KMT2B: variants seen among roughly 807,000 people sequenced by gnomAD.
KMT2B encodes the protein histone-lysine N-methyltransferase 2B.
KMT2B carries 22 observed loss-of-function variants against 255.3 expected under a neutral mutation model. That is an observed-to-expected ratio of 0.09 (90% confidence interval 0.06 to 0.12). The LOEUF is 0.12. KMT2B is among the 10% of genes least tolerant of loss of function. The pLI, the probability that KMT2B is intolerant of heterozygous loss-of-function variation, is 1.00. For synonymous variants in KMT2B, 1,730 were observed against 1,498.1 expected, an observed-to-expected ratio of 1.15 and a Z score of -3.57; for missense variants, 3,149 against 3,737.0, an observed-to-expected ratio of 0.84 and a Z score of 4.10.
Position 35,737,992 on chromosome 19 carries a change from A to G in KMT2B, c.7742+50A>G, listed in dbSNP as rs1568385888. 6.2e-7 allele frequency: 1 copy of G among 1,610,796 alleles called. No individual in the cohort carries two copies. Among genetic ancestry groups the G allele is most frequent in the East Asian group, 2.2e-5 (1 of 44,828 alleles). On this transcript the variant is annotated intron_variant, in intron 35 of 36. Coordinates refer to ENST00000420124, the MANE Select transcript of KMT2B (RefSeq NM_014727.3). This position sits in a 1 kb window ranked among gnomAD's most constrained non-coding sequence, Gnocchi z 5.3. ...GCCCCTTGGGTGGACGGACAGGTGC[A>G]CTGGGTAGGGGGTACTGTCTGGTTT...
chr19:35,730,300 C>G, intron 23 of KMT2B, 42 bp from the exon 24 acceptor site: 4 of 1,607,234 alleles, frequency 2.5e-6, no homozygotes, highest in Non-Finnish European at 3.4e-6. Flanking sequence ...ATCCACCTCC[C>G]CCACCAATGC....
rs201431533 is a variant in KMT2B at position 35,721,396 on chromosome 19, T to G, written c.2049T>G (p.Pro683=). Residue 683 remains proline (P), a synonymous_variant, in exon 3 of 37, where the codon CCT becomes CCG. Transcript: ENST00000420124. ...AAGCCCCTGAGCCAGAGCCTCCTCCTGCCGATGACTCTCCAGCTGAGCCTG... is the reference window on the plus strand; with the variant it reads ...AAGCCCCTGAGCCAGAGCCTCCTCCGGCCGATGACTCTCCAGCTGAGCCTG... ...APEAPEPEPP[P]ADDSPAEPEP... 1 of 1,609,254 alleles carries G rather than the reference T, an allele frequency of 6.2e-7. No homozygotes were observed. The highest frequency in any genetic ancestry group is 8.5e-7 in the Non-Finnish European group (1 of 1,178,522).
At chr19:35,729,768 A>G (rs1159871046) in intron 22 of KMT2B, among the ~76,000 whole-genome samples, 199 bp from the exon 23 acceptor site, 1 of 152,252 alleles carries the variant, frequency 6.6e-6, no homozygotes, top group Non-Finnish European at 1.5e-5. Context: ...GCTATCAGCA[A>G]GTATTGTCAT....
intron 14 of KMT2B, 139 bp downstream of exon 14, chr19:35,726,492 T>C (rs1253489655): frequency 1.5e-6 from 1 of 661,784 alleles, no homozygotes; most frequent in Non-Finnish European, 2.8e-6. Flanking sequence ...CTCAGGGAAC[T>C]CTTCCACAGG....
At position 35,721,201 on chromosome 19, in the gene KMT2B, G is replaced by T. The variant is rs1356915506; in HGVS notation, c.1854G>T (p.Leu618=). The T allele has an allele frequency of 1.3e-6, 2 of 1,537,722 alleles. No homozygotes were observed. Among genetic ancestry groups the T allele is most frequent in the African/African-American group, 1.4e-5 (1 of 70,738 alleles). Residue 618 remains leucine (L), a synonymous_variant, in exon 3 of 37, where the codon CTG becomes CTT. Coordinates refer to ENST00000420124, the MANE Select transcript of KMT2B (RefSeq NM_014727.3). ...GCTGGACCTCACTGACCCGGGAGCT[G>T]CCCCCTCCTCCCCCAGCCCCTCCAC... The part of the protein sequence containing the change: ...TFRWTSLTRE[L]PPPPPAPPPP...
At chr19:35,726,440 C>G (rs940650387) in intron 14 of KMT2B, 87 bp downstream of exon 14, 5 of 874,072 alleles carry the variant, frequency 5.7e-6, no homozygotes, top group African/African-American at 5.0e-5. Flanking sequence ...ACCCTCTTTT[C>G]TCATGGCTTT....
Position 35,720,513 on chromosome 19 carries a change from A to T in KMT2B, c.1166A>T (p.Glu389Val). 1 of 1,550,882 alleles carries T rather than the reference A, an allele frequency of 6.4e-7. No individual in the cohort carries two copies. Among genetic ancestry groups the T allele is most frequent in the South Asian group, 1.2e-5 (1 of 84,016 alleles). Residue 389 changes from glutamate (E) to valine (V), a missense_variant, in exon 3 of 37, where the codon GAG becomes GTG. Glu to Val is a moderately radical substitution (Grantham distance 121, BLOSUM62 -2). This residue lies in a region of KMT2B where 1,188 missense variants were observed against 1,106.4 expected (regional missense o/e 1.07). Transcript: ENST00000420124. ...AAGGAAGAAAGAGCTGTAGCTGAGGAGATGATGCCAGCTGCGGAAAAGGAA... is the reference window on the plus strand; with the variant it reads ...AAGGAAGAAAGAGCTGTAGCTGAGGTGATGATGCCAGCTGCGGAAAAGGAA... ...EEKEERAVAEEMMPAAEKEEA... is the reference protein window; with the variant it reads ...EEKEERAVAEVMMPAAEKEEA...
At chr19:35,726,935 G>C (rs1018199220) in intron 14 of KMT2B, among the ~76,000 whole-genome samples, 1 of 141,740 alleles carries the variant, frequency 7.1e-6, no homozygotes, top group African/African-American at 2.6e-5. Flanking sequence ...AGTGAGCGGA[G>C]ATCTTGCCAC....
Position 35,729,956 on chromosome 19 carries a change from C to A in KMT2B, c.4918-11C>A, listed in dbSNP as rs1156504061. On this transcript the variant is annotated splice_polypyrimidine_tract_variant and intron_variant, in intron 22 of 36. Coordinates refer to ENST00000420124, the MANE Select transcript of KMT2B (RefSeq NM_014727.3). ...CCTGGCTTCTCCCCTGAGCTGCCCT[C>A]CCCTACGCAGCGCTGCGAGCTCTGC... 2 of 1,609,934 alleles carry A rather than the reference C, an allele frequency of 1.2e-6. No individual in the cohort carries two copies. The highest frequency in any genetic ancestry group is 1.1e-5 in the South Asian group (1 of 90,554).
rs1969960944 is a variant in KMT2B, at chr19:35,737,422, C to T, written c.7550+159C>T. 7.6e-6 allele frequency: 7 copies of T among 923,584 alleles called. No individual in the cohort carries two copies. The highest frequency in any genetic ancestry group is 3.4e-4 in the Middle Eastern group (1 of 2,942). 57.2% of individuals were successfully genotyped at this position (923,584 alleles called of 1,614,324 possible). A position where few individuals can be genotyped will look rare whatever the true frequency, so the allele number is the denominator to read the frequency against. On this transcript the variant is annotated intron_variant, in intron 33 of 36. Transcript: ENST00000420124. The surrounding 1 kb of genome is among the most constrained non-coding windows in gnomAD (Gnocchi z 5.3). ...GTTAGCCAGGCTCCGTGGCTCATGC[C>T]TGTAATCCCGCCACTTTGGGAGGCC...
rs1187983460 is a variant in KMT2B, at chr19:35,727,514, G to A, written c.4194G>A (p.Gln1398=). 3 of 1,610,790 alleles carry A rather than the reference G, an allele frequency of 1.9e-6. No individual in the cohort carries two copies. The highest frequency in any genetic ancestry group is 3.3e-5 in the Admixed American group (2 of 60,030). ...GCGGACCGTGTGCTGGGGCAGCGCAGCCCCGCTGGCGAGAGGCCCTGAGCG... is the reference window on the plus strand; with the variant it reads ...GCGGACCGTGTGCTGGGGCAGCGCAACCCCGCTGGCGAGAGGCCCTGAGCG... ...YTCGPCAGAA[Q]PRWREALSGA... The change falls in exon 16 of 37, where the codon CAG becomes CAA. Residue 1398 remains glutamine (Q), a synonymous_variant. Transcript: ENST00000420124. The surrounding 1 kb of genome is among the most constrained non-coding windows in gnomAD (Gnocchi z 4.2).
In KMT2B at chr19:35,733,219, A is replaced by G; in HGVS notation, c.6670A>G (p.Ile2224Val). 4 of 1,159,550 alleles carry G rather than the reference A, an allele frequency of 3.4e-6. No homozygotes were observed. The highest frequency in any genetic ancestry group is 5.5e-5 in the East Asian group (1 of 18,146). The allele number at this position is 1,159,550 out of a possible 1,614,324, so 71.8% of individuals were successfully genotyped here. A position where few individuals can be genotyped will look rare whatever the true frequency, so the allele number is the denominator to read the frequency against. The change falls in exon 28 of 37, where the codon ATT (isoleucine) becomes GTT (valine). Residue 2224 changes from isoleucine to valine, a missense_variant. Transcript: ENST00000420124. The surrounding 1 kb of genome is among the most constrained non-coding windows in gnomAD (Gnocchi z 4.3). ...PVKQPPLPPT[I>V]SPTAPTSWTL... ...GAAGCAGCCACCTTTGCCCCCCACCATTTCCCCCACGGCTCCCACCTCCTG... is the reference window on the plus strand; with the variant it reads ...GAAGCAGCCACCTTTGCCCCCCACCGTTTCCCCCACGGCTCCCACCTCCTG...
Position 35,718,378 on chromosome 19 carries a change from G to C in KMT2B, c.360G>C (p.Glu120Asp), listed in dbSNP as rs1305493748. 4 of 1,270,448 alleles carry C rather than the reference G, an allele frequency of 3.1e-6. No individual in the cohort carries two copies. The highest frequency in any genetic ancestry group is 4.0e-6 in the Non-Finnish European group (4 of 1,001,534). The allele number at this position is 1,270,448 out of a possible 1,614,324, so 78.7% of individuals were successfully genotyped here. Reference protein sequence around the residue: ...EEESSDGESDEEEFQGFHSDE... With the variant: ...EEESSDGESDDEEFQGFHSDE... ...AGAGCAGTGACGGGGAATCCGACGAGGAGGTGAGGCGGTTGGAGGCGTCCC... is the reference window on the plus strand; with the variant it reads ...AGAGCAGTGACGGGGAATCCGACGACGAGGTGAGGCGGTTGGAGGCGTCCC... Residue 120 changes from glutamate (E) to aspartate (D), a missense_variant, in exon 1 of 37, where the codon GAG becomes GAC. Glu to Asp is a conservative substitution (Grantham distance 45, BLOSUM62 2). Around this residue, in one of 18 missense-constraint regions of KMT2B, gnomAD observed 1,188 missense variants for 1,106.4 expected, o/e 1.07. Transcript: ENST00000420124. The surrounding 1 kb of genome is among the most constrained non-coding windows in gnomAD (Gnocchi z 5.0).
In KMT2B at chr19:35,733,047, C is replaced by G. The variant is rs1421196020; in HGVS notation, c.6498C>G (p.Leu2166=). The stretch of plus-strand genomic sequence containing the variant: ...ACCCCACCCGCACATTTGCCTGGCT[C>G]CCAGGGGCCCCAGGGGTCCGGGTGT... ...PADPTRTFAW[L]PGAPGVRVLS... The change falls in exon 28 of 37, where the codon CTC becomes CTG. Residue 2166 remains leucine (L), a synonymous_variant. Coordinates refer to ENST00000420124, the MANE Select transcript of KMT2B (RefSeq NM_014727.3). This position sits in a 1 kb window ranked among gnomAD's most constrained non-coding sequence, Gnocchi z 4.3. 6.3e-7 allele frequency: 1 copy of G among 1,580,810 alleles called. No individual in the cohort carries two copies. Among genetic ancestry groups the G allele is most frequent in the Non-Finnish European group, 8.6e-7 (1 of 1,163,360 alleles).
Position 35,725,186 on chromosome 19 carries a change from C to T in KMT2B, c.3529-34C>T, listed in dbSNP as rs561740711. On this transcript the variant is annotated intron_variant, in intron 10 of 36. Coordinates refer to ENST00000420124, the MANE Select transcript of KMT2B (RefSeq NM_014727.3). This position sits in a 1 kb window ranked among gnomAD's most constrained non-coding sequence, Gnocchi z 4.1. ...AGGTGGGTCTGCCTTGTATGCCTGG[C>T]GGCCCTCTGATCCTGCATCCTCTCT... 15 of 1,594,540 alleles carry T rather than the reference C, an allele frequency of 9.4e-6. No homozygotes were observed. The highest frequency in any genetic ancestry group is 3.4e-5 in the Admixed American group (2 of 59,380).
In KMT2B at chr19:35,725,755, A is replaced by G. The variant is rs1451421757; in HGVS notation, c.3822A>G (p.Ala1274=). The G allele has an allele frequency of 1.9e-6, 3 of 1,604,854 alleles. No homozygotes were observed. Among genetic ancestry groups the G allele is most frequent in the Non-Finnish European group, 2.6e-6 (3 of 1,175,954 alleles). ...HLLECERCRH[A]YHPACLGPSY... ...TGGAGTGCGAGCGCTGCCGCCATGC[A>G]TACCACCCGGCCTGTCTGGGGCCCA... Residue 1274 remains alanine (A), a synonymous_variant, in exon 13 of 37, where the codon GCA becomes GCG. Transcript: ENST00000420124. This position sits in a 1 kb window ranked among gnomAD's most constrained non-coding sequence, Gnocchi z 4.1.
Position 35,725,636 on chromosome 19 carries a change from A to G in KMT2B, c.3789+11A>G, listed in dbSNP as rs1969404286. The G allele has an allele frequency of 6.2e-7, 1 of 1,612,112 alleles. No homozygotes were observed. Among genetic ancestry groups the G allele is most frequent in the Admixed American group, 1.7e-5 (1 of 60,028 alleles). On this transcript the variant is annotated intron_variant, in intron 12 of 36. Transcript: ENST00000420124. This position sits in a 1 kb window ranked among gnomAD's most constrained non-coding sequence, Gnocchi z 4.1. ...GGTCGTGGATCCAAGGTTTGGGCCC[A>G]AGGGCTGGCCAGGGTGGGTGGAGGC...
At position 35,724,695 on chromosome 19, in the gene KMT2B, T is replaced by C. The variant is rs1385191430; in HGVS notation, c.3393T>C (p.Pro1131=). Residue 1131 remains proline (P), a synonymous_variant, in exon 9 of 37, where the codon CCT becomes CCC. Coordinates refer to ENST00000420124, the MANE Select transcript of KMT2B (RefSeq NM_014727.3). ...GGCCCCGCAAACCTACCCTGCAGCC[T>C]GTGTTGCAGCTCAAGGCCCGAAGGC... ...QSRPRKPTLQ[P]VLQLKARRRL... 2 of 1,600,580 alleles carry C rather than the reference T, an allele frequency of 1.2e-6. No individual in the cohort carries two copies. The highest frequency in any genetic ancestry group is 1.3e-5 in the African/African-American group (1 of 74,650).
rs985368301 is a variant in KMT2B at position 35,727,934 on chromosome 19, A to G, written c.4446A>G (p.Gly1482=). Residue 1482 remains glycine, a synonymous_variant, in exon 18 of 37, where the codon GGA becomes GGG. Coordinates refer to ENST00000420124, the MANE Select transcript of KMT2B (RefSeq NM_014727.3). This position sits in a 1 kb window ranked among gnomAD's most constrained non-coding sequence, Gnocchi z 4.2. The part of the protein sequence containing the change: ...VGILMRHSEE[G]ETPDRRAGGQ... Reference sequence around the variant, plus strand: ...TCCTCATGCGGCACTCGGAGGAGGGAGAGACCCCGGACCGCCGGGCTGGAG... The same window carrying G: ...TCCTCATGCGGCACTCGGAGGAGGGGGAGACCCCGGACCGCCGGGCTGGAG... The G allele has an allele frequency of 6.3e-7, 1 of 1,597,368 alleles. No individual in the cohort carries two copies. The highest frequency in any genetic ancestry group is 8.5e-7 in the Non-Finnish European group (1 of 1,170,202).
Sources: gnomAD v4.1 joint callset for allele counts (sites outside exome capture counted in the v4.1 genomes callset) on GRCh38, gnomAD v4.1.1 for gene constraint, gnomAD v4.1.1 regional missense constraint, Gnocchi (gnomAD v3.1) non-coding constraint, MANE v1.5 for transcripts, NCBI Gene and HGNC (gene_info 2026-07-23, HGNC 2026-07-21) for gene names.